The following ARID3B variants were observed in gnomAD, a reference collection of about 807,000 sequenced individuals.
The protein encoded by ARID3B is AT-rich interaction domain 3B.
In ARID3B, 10 loss-of-function variants were observed where a neutral mutation model predicts 51.9. The ratio of observed to expected loss-of-function variants is 0.19; its 90% CI spans 0.12 to 0.33. ARID3B has a LOEUF of 0.33. ARID3B is among the 10% of genes least tolerant of loss of function. The pLI is 1.00. For missense variants in ARID3B, 483 were observed against 716.3 expected, an observed-to-expected ratio of 0.67 and a Z score of 3.72; for synonymous variants, 205 against 279.5, an observed-to-expected ratio of 0.73 and a Z score of 2.66.
intron 4 of ARID3B, among the ~76,000 whole-genome samples, chr15:74,579,281 C>T (rs904143983): frequency 1.3e-5 from 2 of 152,182 alleles, no homozygotes; most frequent in African/African-American, 4.8e-5. Flanking sequence ...CCTTGGCGAC[C>T]CCCTCCCCTC....
chr15:74,591,504 G>A lies in ARID3B; in HGVS notation c.1166-56G>A, dbSNP rs1567127335. On this transcript the variant is annotated intron_variant, in intron 6 of 8. Transcript: ENST00000346246. The surrounding 1 kb of genome is among the most constrained non-coding windows in gnomAD (Gnocchi z 5.8). ...TGCCAGTTCCCTGTGTTCAAGACTG[G>A]GGTTTTGGGGCAAGAGGGTCAATTG... is the stretch of plus-strand genomic sequence containing the variant. The A allele has an allele frequency of 2.5e-6, 4 of 1,594,302 alleles. No individual in the cohort carries two copies. Among genetic ancestry groups the A allele is most frequent in the Non-Finnish European group, 3.4e-6 (4 of 1,166,098 alleles).
chr15:74,548,014 C>G (rs540813000), intron 2 of ARID3B, among the ~76,000 whole-genome samples: 1 of 152,322 alleles, frequency 6.6e-6, no homozygotes, highest in African/African-American at 2.4e-5. Context: ...ATTTGCTTCT[C>G]AAGGCCTGGA....
At chr15:74,548,386 T>A (rs1364249343) in intron 2 of ARID3B, among the ~76,000 whole-genome samples, 1 of 152,130 alleles carries the variant, frequency 6.6e-6, no homozygotes, top group Non-Finnish European at 1.5e-5. Context: ...AGGGTGCATG[T>A]GTCCGATTTT....
intron 2 of ARID3B, among the ~76,000 whole-genome samples, chr15:74,570,175 C>A (rs900201166): frequency 1.3e-5 from 2 of 152,108 alleles, no homozygotes; most frequent in East Asian, 3.9e-4. Flanking sequence ...CTGTCAGATT[C>A]TCTTGCAGGT....
At chr15:74,556,917 G>A (rs2141452693) in intron 2 of ARID3B, among the ~76,000 whole-genome samples, 1 of 151,786 alleles carries the variant, frequency 6.6e-6, no homozygotes, top group East Asian at 2.0e-4. Context: ...TGGGACTACA[G>A]GCGTGTGCCA....
At chr15:74,572,365 G>C (rs2061722152) in intron 2 of ARID3B, among the ~76,000 whole-genome samples, 1 of 152,208 alleles carries the variant, frequency 6.6e-6, no homozygotes, top group Admixed American at 6.5e-5. Flanking sequence ...TTAGGGTTTT[G>C]AATGGTGAGG....
At chr15:74,545,075 T>C (rs2061610482) in intron 2 of ARID3B, among the ~76,000 whole-genome samples, 1 of 152,218 alleles carries the variant, frequency 6.6e-6, no homozygotes, top group African/African-American at 2.4e-5. Flanking sequence ...AGGATGAAGT[T>C]GCAACAGTGT....
chr15:74,543,810 C>G, intron 1 of ARID3B, 50 bp from the exon 2 acceptor site: 1 of 1,267,196 alleles, frequency 7.9e-7, no homozygotes, highest in Non-Finnish European at 1.1e-6. Flanking sequence ...ACCTGCTTAA[C>G]ATGGTTGTTT....
At chr15:74,581,771 C>G (rs2061762653) in intron 4 of ARID3B, among the ~76,000 whole-genome samples, 1 of 152,208 alleles carries the variant, frequency 6.6e-6, no homozygotes, top group Non-Finnish European at 1.5e-5. Flanking sequence ...TCAGCCTCTT[C>G]CCCTTCAAAA....
intron 2 of ARID3B, among the ~76,000 whole-genome samples, chr15:74,561,354 C>G (rs2061678997): frequency 6.6e-6 from 1 of 152,140 alleles, no homozygotes. Context: ...TTTTTGATGG[C>G]TGCATAATGT....
chr15:74,570,530 AAG>A (rs1016487991), intron 2 of ARID3B, among the ~76,000 whole-genome samples: 29 of 150,268 alleles, frequency 1.9e-4, no homozygotes, highest in African/African-American at 6.8e-4. Context: ...CTGATAGAGA[AAG>A]AGTCCTTCTG....
chr15:74,545,498 A>G (rs150002371), intron 2 of ARID3B, among the ~76,000 whole-genome samples: 17 of 152,284 alleles, frequency 1.1e-4, no homozygotes, highest in African/African-American at 4.1e-4. Context: ...TTTGTTTTCA[A>G]CCAAGCCTCT....
At chr15:74,542,858 A>G (rs2061599817) in intron 1 of ARID3B, among the ~76,000 whole-genome samples, 1 of 152,134 alleles carries the variant, frequency 6.6e-6, no homozygotes, top group African/African-American at 2.4e-5. Context: ...TGGGGGAGTA[A>G]AAGGAGAAGA....
At chr15:74,567,378 C>T (rs1171305541) in intron 2 of ARID3B, among the ~76,000 whole-genome samples, 1 of 152,188 alleles carries the variant, frequency 6.6e-6, no homozygotes, top group South Asian at 2.1e-4. Flanking sequence ...CTATTATATG[C>T]TATATGTGTT....
chr15:74,568,159 T>C (rs1326416285), intron 2 of ARID3B, among the ~76,000 whole-genome samples: 2 of 152,190 alleles, frequency 1.3e-5, no homozygotes, highest in African/African-American at 4.8e-5. Flanking sequence ...TGGGCAAGCA[T>C]TGTGTGAGGG....
At chr15:74,557,000 C>T (rs2061660942) in intron 2 of ARID3B, among the ~76,000 whole-genome samples, 1 of 151,856 alleles carries the variant, frequency 6.6e-6, no homozygotes, top group Non-Finnish European at 1.5e-5. Flanking sequence ...TGGTCTCGAA[C>T]TCCTGACCTC....
At chr15:74,549,786 G>A (rs1252405157) in intron 2 of ARID3B, among the ~76,000 whole-genome samples, 1 of 152,154 alleles carries the variant, frequency 6.6e-6, no homozygotes, top group Non-Finnish European at 1.5e-5. Flanking sequence ...CCCCTTCCCA[G>A]GGGACATTTG....
At chr15:74,583,716 CAA>C (rs758278318) in intron 4 of ARID3B, among the ~76,000 whole-genome samples, 6 of 111,130 alleles carry the variant, frequency 5.4e-5, no homozygotes, top group Admixed American at 9.4e-5. Flanking sequence ...GACTCTGTCT[CAA>C]AAAAAAAAAA....
chr15:74,552,878 T>G (rs1386377832), intron 2 of ARID3B, among the ~76,000 whole-genome samples: 1 of 152,230 alleles, frequency 6.6e-6, no homozygotes, highest in Non-Finnish European at 1.5e-5. Context: ...CAATTATGAA[T>G]AAAGCTATCA....
Sources: allele counts gnomAD v4.1 joint callset (sites outside exome capture counted in the v4.1 genomes callset), GRCh38; gene constraint gnomAD v4.1.1; non-coding constraint Gnocchi (gnomAD v3.1); transcripts MANE v1.5; gene names NCBI Gene and HGNC (gene_info 2026-07-23, HGNC 2026-07-21).